FAM135B: variants seen among roughly 807,000 people sequenced by gnomAD.
The protein encoded by FAM135B is protein FAM135B.
In FAM135B, 43 loss-of-function variants were observed where a neutral mutation model predicts 127.7. That is an observed-to-expected ratio of 0.34 (90% CI 0.26 to 0.43). FAM135B has a LOEUF of 0.43. Ranked by LOEUF, FAM135B falls within the 20% of genes least tolerant of loss-of-function variation. FAM135B has a pLI of 1.00. For missense variants in FAM135B, 1,558 were observed against 1,725.6 expected, an observed-to-expected ratio of 0.90 and a Z score of 1.72; for synonymous variants, 670 against 665.1, an observed-to-expected ratio of 1.01 and a Z score of -0.11.
At chr8:138,248,473 C>T (rs1287533199) in intron 6 of FAM135B, among the ~76,000 whole-genome samples, 2 of 152,158 alleles carry the variant, frequency 1.3e-5, no homozygotes, top group Non-Finnish European at 2.9e-5. Context: ...CTATATACTT[C>T]ATCCCATTGC....
intron 11 of FAM135B, among the ~76,000 whole-genome samples, chr8:138,173,948 C>A (rs1814172101): frequency 6.6e-6 from 1 of 152,144 alleles, no homozygotes; most frequent in South Asian, 2.1e-4. Context: ...CTGGTCAATT[C>A]TAGATTATTT....
intron 7 of FAM135B, among the ~76,000 whole-genome samples, chr8:138,234,392 G>A (rs7814289): frequency 0.19 from 28,367 of 151,998 alleles, 2,926 homozygotes; most frequent in Non-Finnish European, 0.23. Context: ...TTGAAATCAG[G>A]ATCTCCAAGA....
intron 2 of FAM135B, among the ~76,000 whole-genome samples, chr8:138,343,290 C>T (rs1319529505): frequency 1.3e-5 from 2 of 152,182 alleles, no homozygotes; most frequent in African/African-American, 2.4e-5. Context: ...TAGAGACGTG[C>T]AGGCAGGAAG....
At chr8:138,159,569 ACAGGGTGGGTAGCAC>A (rs915068237) in intron 12 of FAM135B, among the ~76,000 whole-genome samples, 1 of 138,368 alleles carries the variant, frequency 7.2e-6, no homozygotes, top group African/African-American at 2.6e-5. Context: ...ACACCTGGAC[ACAGGGTGGGTAGCAC>A]CACACACCAG....
At chr8:138,405,616 T>C (rs1174499689) in intron 1 of FAM135B, among the ~76,000 whole-genome samples, 1 of 152,142 alleles carries the variant, frequency 6.6e-6, no homozygotes, top group African/African-American at 2.4e-5. Context: ...TCTATCATTG[T>C]TAGACATTTG....
Position 138,153,204 on chromosome 8 carries a change from C to T in FAM135B, c.1271G>A (p.Ser424Asn), listed in dbSNP as rs1818348780. 1.8e-5 allele frequency: 28 copies of T among 1,555,336 alleles called. No individual in the cohort carries two copies. The highest frequency in any genetic ancestry group is 2.3e-5 in the Non-Finnish European group (27 of 1,154,322). The change falls in exon 13 of 20, where the codon AGT becomes AAT. Residue 424 changes from serine to asparagine, a missense_variant. This residue lies in a region of FAM135B where 923 missense variants were observed against 865.3 expected (regional missense o/e 1.07). Coordinates refer to ENST00000395297, the MANE Select transcript of FAM135B (RefSeq NM_015912.4). Reference protein sequence around the residue: ...VDCPATGHNLSVYPNFDVPVT... With the variant: ...VDCPATGHNLNVYPNFDVPVT... ...TGGAACATCAAAATTAGGATAAACA[C>T]TCAAGTTATGCCCTACAAAAAAAAA...
intron 2 of FAM135B, among the ~76,000 whole-genome samples, chr8:138,349,445 G>A (rs2131107419): frequency 1.3e-5 from 2 of 152,272 alleles, no homozygotes; most frequent in South Asian, 4.1e-4. Context: ...GATAGTATCT[G>A]CTTCTCCAGG....
chr8:138,223,305 T>C (rs991542190), intron 7 of FAM135B, among the ~76,000 whole-genome samples: 1 of 152,198 alleles, frequency 6.6e-6, no homozygotes, highest in Non-Finnish European at 1.5e-5. Flanking sequence ...ACCCAACACT[T>C]GTAGTCCAGG....
At chr8:138,347,217 A>G (rs1227261985) in intron 2 of FAM135B, among the ~76,000 whole-genome samples, 1 of 152,228 alleles carries the variant, frequency 6.6e-6, no homozygotes, top group African/African-American at 2.4e-5. Flanking sequence ...AGAATGTCTC[A>G]GTAACATCAT....
chr8:138,319,386 C>T (rs938819576), intron 2 of FAM135B, among the ~76,000 whole-genome samples: 3 of 152,132 alleles, frequency 2.0e-5, no homozygotes, highest in Admixed American at 6.6e-5. Context: ...GGATTACAGG[C>T]GAGAGCCACT....
chr8:138,479,859 A>G (rs768136176), intron 1 of FAM135B, among the ~76,000 whole-genome samples: 4 of 152,178 alleles, frequency 2.6e-5, no homozygotes, highest in Non-Finnish European at 5.9e-5. Context: ...TAACATCTCA[A>G]TACAAAAGAA....
At chr8:138,308,994 G>A (rs1395691760) in intron 3 of FAM135B, 2 of 454,894 alleles carry the variant, frequency 4.4e-6, no homozygotes, top group East Asian at 7.0e-5. Flanking sequence ...TACTTACCTT[G>A]TGCTGGTTCT....
chr8:138,472,487 C>T (rs1466196058), intron 1 of FAM135B, among the ~76,000 whole-genome samples: 2 of 152,090 alleles, frequency 1.3e-5, no homozygotes, highest in African/African-American at 4.8e-5. Flanking sequence ...CATTTTGTTT[C>T]CCTAGTGCAG....
At chr8:138,369,078 C>T (rs1306580373) in intron 1 of FAM135B, among the ~76,000 whole-genome samples, 1 of 152,116 alleles carries the variant, frequency 6.6e-6, no homozygotes, top group Non-Finnish European at 1.5e-5. Context: ...TAAGATCCTC[C>T]CATTCTCCAA....
intron 2 of FAM135B, among the ~76,000 whole-genome samples, chr8:138,346,658 C>T (rs1829429130): frequency 6.6e-6 from 1 of 151,990 alleles, no homozygotes; most frequent in South Asian, 2.1e-4. Flanking sequence ...ACACTGGGGC[C>T]TGTCGGGGGG....
intron 1 of FAM135B, among the ~76,000 whole-genome samples, chr8:138,436,527 G>T (rs1835466316): frequency 6.6e-6 from 1 of 152,182 alleles, no homozygotes; most frequent in Non-Finnish European, 1.5e-5. Flanking sequence ...TCTGTGAACT[G>T]CAATGACAGG....
intron 1 of FAM135B, among the ~76,000 whole-genome samples, chr8:138,393,047 C>T (rs186769237): frequency 4.6e-5 from 7 of 152,248 alleles, no homozygotes; most frequent in Non-Finnish European, 7.4e-5. Flanking sequence ...GAGCAAGTCA[C>T]GTCTTACATG....
chr8:138,489,235 T>G (rs1815110867), intron 1 of FAM135B, among the ~76,000 whole-genome samples: 2 of 152,212 alleles, frequency 1.3e-5, no homozygotes, highest in South Asian at 4.1e-4. Flanking sequence ...CCTGAAAACC[T>G]GTTCTTTCCC....
At position 138,437,507 on chromosome 8, in the gene FAM135B, C is replaced by T. The variant is rs1835518826; in HGVS notation, c.-20+59164G>A. ...GAAGAAGGTGCCTTGTTTCTCCTTC[C>T]CCTTATGTCATGATTGTAAGCTTCC... On this transcript the variant is annotated intron_variant, in intron 1 of 19. Coordinates refer to ENST00000395297, the MANE Select transcript of FAM135B (RefSeq NM_015912.4). 2.0e-5 allele frequency: 3 copies of T among 152,084 alleles called. 1 individual carries two copies. The South Asian group carries it at 6.2e-4, about 32-fold the overall frequency. The allele number at this position is 152,084 out of a possible 1,614,324, so 9.4% of individuals were successfully genotyped here.
Sources: allele counts gnomAD v4.1 joint callset (sites outside exome capture counted in the v4.1 genomes callset), GRCh38; gene constraint gnomAD v4.1.1; regional missense constraint gnomAD v4.1.1; transcripts MANE v1.5; gene names NCBI Gene and HGNC (gene_info 2026-07-23, HGNC 2026-07-21).